NPFFR1: variants seen among roughly 807,000 people sequenced by gnomAD.
NPFFR1 encodes the protein G-protein coupled receptor 147.
Under a neutral mutation model 12.7 loss-of-function variants are expected in NPFFR1, and 17 were observed. That is an observed-to-expected ratio of 1.34 (90% CI 0.92 to 2.01). The LOEUF is 2.01. Among genes scored for constraint, NPFFR1 ranks in the 30% most tolerant of loss-of-function variants. NPFFR1 has a pLI of 0.00. For missense variants in NPFFR1, 604 were observed against 606.5 expected (o/e 1.00, Z 0.04); for synonymous variants, 296 against 264.5 (o/e 1.12, Z -1.16).
intron 1 of NPFFR1, among the ~76,000 whole-genome samples, chr10:70,267,899 G>A (rs928815903): frequency 2.6e-5 from 4 of 152,138 alleles, no homozygotes; most frequent in Admixed American, 6.5e-5. Context: ...GGACTGCGGC[G>A]GGAGGCGGAC....
intron 1 of NPFFR1, among the ~76,000 whole-genome samples, chr10:70,269,743 A>G (rs1840729821): frequency 2.0e-5 from 3 of 152,070 alleles, no homozygotes; most frequent in African/African-American, 2.4e-5. Flanking sequence ...ACTCCTGACC[A>G]CAGGTGATCC....
At chr10:70,281,554 TAG>T (rs1298167508) in intron 1 of NPFFR1, among the ~76,000 whole-genome samples, 2 of 152,206 alleles carry the variant, frequency 1.3e-5, no homozygotes, top group Non-Finnish European at 2.9e-5. Context: ...ACAAAGATGT[TAG>T]TGACTACCTC....
rs1766546683 is a variant in NPFFR1 at position 70,255,337 on chromosome 10, G to A, written c.913C>T (p.Leu305=). 1.3e-6 allele frequency: 2 copies of A among 1,575,932 alleles called. No individual in the cohort carries two copies. Among genetic ancestry groups the A allele is most frequent in the Middle Eastern group, 1.7e-4 (1 of 6,028 alleles). The part of the protein sequence containing the change: ...YGQLSAPQLH[L]VTVYAFPFAH... Reference sequence around the variant, plus strand: ...AAGGGGAAGGCGTAGACGGTGACCAGGTGCAGCTGCGGCGCGCTGAGCTGC... The same window carrying A: ...AAGGGGAAGGCGTAGACGGTGACCAAGTGCAGCTGCGGCGCGCTGAGCTGC... The change falls in exon 4 of 4, where the codon CTG becomes TTG. Residue 305 remains leucine (L), a synonymous_variant. Coordinates refer to ENST00000277942, the MANE Select transcript of NPFFR1 (RefSeq NM_022146.5). This position sits in a 1 kb window ranked among gnomAD's most constrained non-coding sequence, Gnocchi z 4.2.
intron 3 of NPFFR1, among the ~76,000 whole-genome samples, chr10:70,258,811 C>A (rs1173314302): frequency 6.6e-6 from 1 of 152,138 alleles, no homozygotes; most frequent in Non-Finnish European, 1.5e-5. Flanking sequence ...GGAGTCAGAG[C>A]CTGCCCTGGA....
rs181615322 is a variant in NPFFR1 at position 70,272,031 on chromosome 10, C to T, written c.8-5640G>A. On this transcript the variant is annotated intron_variant, in intron 1 of 3. Transcript: ENST00000277942. ...ACTCAGGAGGCTGAGGCAGGAGAGT[C>T]GCCTGAACCCAGGAGGTGGAGGTTG... Among the ~76,000 whole-genome samples, 506 of 151,590 alleles carry T rather than the reference C, an allele frequency of 3.3e-3. 3 individuals are homozygous for T. The highest frequency in any genetic ancestry group is 0.011 in the African/African-American group (467 of 41,274).
In NPFFR1 at chr10:70,255,776, C is replaced by T. The variant is rs747421830; in HGVS notation, c.474G>A (p.Ala158=). The change falls in exon 4 of 4, where the codon GCG becomes GCA. Residue 158 remains alanine, a synonymous_variant. Coordinates refer to ENST00000277942, the MANE Select transcript of NPFFR1 (RefSeq NM_022146.5). The surrounding 1 kb of genome is among the most constrained non-coding windows in gnomAD (Gnocchi z 4.2). ...CCCAGATGACGGCGATGGTGACGAG[C>T]GCCTTCCGCAGGGTCAGCTTCTCGC... ...PFREKLTLRK[A]LVTIAVIWAL... 5.0e-6 allele frequency: 8 copies of T among 1,611,450 alleles called. No individual in the cohort carries two copies. In the Admixed American group the frequency reaches 5.0e-5, roughly 10 times the overall value.
chr10:70,255,057 C>G lies in NPFFR1; in HGVS notation c.1193G>C (p.Arg398Pro), dbSNP rs1840546739. Residue 398 changes from arginine to proline, a missense_variant, in exon 4 of 4, where the codon CGC becomes CCC. Coordinates refer to ENST00000277942, the MANE Select transcript of NPFFR1 (RefSeq NM_022146.5). This position sits in a 1 kb window ranked among gnomAD's most constrained non-coding sequence, Gnocchi z 4.2. The part of the protein sequence containing the change: ...GPSSGAPRPG[R>P]LPLRNGRVAH... ...CACCCGCCCATTCCGCAGCGGGAGG[C>G]GGCCGGGCCTGGGGGCCCCACTGCT... 7.0e-7 allele frequency: 1 copy of G among 1,436,382 alleles called. No homozygotes were observed. 89.0% of individuals were successfully genotyped at this position (1,436,382 alleles called of 1,614,324 possible). A position where few individuals can be genotyped will look rare whatever the true frequency, so the allele number is the denominator to read the frequency against.
At chr10:70,281,320 C>T (rs1036676764) in intron 1 of NPFFR1, among the ~76,000 whole-genome samples, 9 of 152,156 alleles carry the variant, frequency 5.9e-5, no homozygotes, top group African/African-American at 2.2e-4. Context: ...GGGTAAACCT[C>T]GGGTTCACCC....
Position 70,255,198 on chromosome 10 carries a change from C to T in NPFFR1, c.1052G>A (p.Arg351His), listed in dbSNP as rs1405152190. The T allele has an allele frequency of 6.4e-6, 10 of 1,552,690 alleles. No individual in the cohort carries two copies. The highest frequency in any genetic ancestry group is 4.8e-5 in the East Asian group (2 of 41,546). ...QAAFRARLCP[R>H]PSGSHKEAYS... ...GGCCTCCTTGTGGCTCCCCGACGGG[C>T]GCGGGCAGAGGCGGGCGCGGAAGGC... The change falls in exon 4 of 4, where the codon CGC (arginine) becomes CAC (histidine). Residue 351 changes from arginine to histidine, a missense_variant. Coordinates refer to ENST00000277942, the MANE Select transcript of NPFFR1 (RefSeq NM_022146.5). The surrounding 1 kb of genome is among the most constrained non-coding windows in gnomAD (Gnocchi z 4.2).
rs546735609 is a variant in NPFFR1 at position 70,252,622 on chromosome 10, A to T, written c.*2335T>A. Reference sequence around the variant, plus strand: ...TCATTAAAGCATTGTCATGCCTGTTATCACTCAGATCTGAATGGGCAGGTA... The same window carrying T: ...TCATTAAAGCATTGTCATGCCTGTTTTCACTCAGATCTGAATGGGCAGGTA... On this transcript the variant is annotated 3_prime_UTR_variant, in exon 4 of 4. Coordinates refer to ENST00000277942, the MANE Select transcript of NPFFR1 (RefSeq NM_022146.5). The T allele has an allele frequency of 6.6e-6, 1 of 152,370 alleles. No homozygotes were observed. Among genetic ancestry groups the T allele is most frequent in the East Asian group, 1.9e-4 (1 of 5,192 alleles). 9.4% of individuals were successfully genotyped at this position (152,370 alleles called of 1,614,324 possible).
chr10:70,248,467 G>GGTTTTTTTTTGTTTTTTTTT lies in NPFFR1; in HGVS notation c.*6489_*6490insAAAAAAAAACAAAAAAAAAC, dbSNP rs1840473243. The stretch of plus-strand genomic sequence containing the variant: ...CAAAGTACGTAGTACTATGCCTGGC[G>GGTTTTTTTTTGTTTTTTTTT]TTTTTTTTTTGTTTTTTGTTTTTTT... On this transcript the variant is annotated 3_prime_UTR_variant, in exon 4 of 4. Transcript: ENST00000277942. 1.0e-5 allele frequency: 1 copy of GGTTTTTTTTTGTTTTTTTTT among 96,742 alleles called. No homozygotes were observed. The highest frequency in any genetic ancestry group is 4.0e-5 in the African/African-American group (1 of 24,706). 6.0% of individuals were successfully genotyped at this position (96,742 alleles called of 1,614,324 possible). A position where few individuals can be genotyped will look rare whatever the true frequency, so the allele number is the denominator to read the frequency against.
chr10:70,270,405 C>T (rs887973433), intron 1 of NPFFR1, among the ~76,000 whole-genome samples: 1 of 152,190 alleles, frequency 6.6e-6, no homozygotes, highest in Non-Finnish European at 1.5e-5. Context: ...TGAATCATCT[C>T]CCATGACTGG....
At position 70,259,227 on chromosome 10, in the gene NPFFR1, A is replaced by G. The variant is rs538470547; in HGVS notation, c.422+1413T>C. The stretch of plus-strand genomic sequence containing the variant: ...CTTGAACCCGGGAGGCAGAGGTTGC[A>G]GTCAGCCAAGATCGCCATGGCACTC... On this transcript the variant is annotated intron_variant, in intron 3 of 3. Coordinates refer to ENST00000277942, the MANE Select transcript of NPFFR1 (RefSeq NM_022146.5). Among the ~76,000 whole-genome samples the G allele has an allele frequency of 3.3e-5, 5 of 152,024 alleles. No homozygotes were observed. The South Asian group carries it at 1.0e-3, about 32-fold the overall frequency.
At position 70,251,390 on chromosome 10, in the gene NPFFR1, T is replaced by A. The variant is rs537014988; in HGVS notation, c.*3567A>T. 6.6e-6 allele frequency: 1 copy of A among 152,582 alleles called. No homozygotes were observed. The highest frequency in any genetic ancestry group is 1.9e-4 in the East Asian group (1 of 5,196). 9.5% of individuals were successfully genotyped at this position (152,582 alleles called of 1,614,324 possible). Reference sequence around the variant, plus strand: ...TCCTCCAGGCCCCAAGAGAGACTCCTCAGCACAGGGCTGGGCAGACTGTGG... The same window carrying A: ...TCCTCCAGGCCCCAAGAGAGACTCCACAGCACAGGGCTGGGCAGACTGTGG... On this transcript the variant is annotated 3_prime_UTR_variant, in exon 4 of 4. Coordinates refer to ENST00000277942, the MANE Select transcript of NPFFR1 (RefSeq NM_022146.5).
In NPFFR1 at chr10:70,249,963, T is replaced by G. The variant is rs1387707506; in HGVS notation, c.*4994A>C. The G allele has an allele frequency of 1.3e-5, 2 of 148,504 alleles. No individual in the cohort carries two copies. 9.2% of individuals were successfully genotyped at this position (148,504 alleles called of 1,614,324 possible). On this transcript the variant is annotated 3_prime_UTR_variant, in exon 4 of 4. Coordinates refer to ENST00000277942, the MANE Select transcript of NPFFR1 (RefSeq NM_022146.5). ...TCTTGCTCTGTCACCCAGGTTGGAG[T>G]GCAGTGGCGCAATTTTGGCTCACTG...
intron 1 of NPFFR1, among the ~76,000 whole-genome samples, chr10:70,268,058 G>A (rs1840714539): frequency 6.6e-6 from 1 of 152,104 alleles, no homozygotes; most frequent in South Asian, 2.1e-4. Context: ...ATATACAAGA[G>A]TATAAAGTTT....
rs1181395766 is a variant in NPFFR1, at chr10:70,250,604, G to C, written c.*4353C>G. On this transcript the variant is annotated 3_prime_UTR_variant, in exon 4 of 4. Coordinates refer to ENST00000277942, the MANE Select transcript of NPFFR1 (RefSeq NM_022146.5). ...TACTGATACATGCTACAGCATGAATGAATCTTGCAAACATCATTTTAAGTG... is the reference window on the plus strand; with the variant it reads ...TACTGATACATGCTACAGCATGAATCAATCTTGCAAACATCATTTTAAGTG... The C allele has an allele frequency of 6.6e-6, 1 of 152,220 alleles. No homozygotes were observed. Among genetic ancestry groups the C allele is most frequent in the Non-Finnish European group, 1.5e-5 (1 of 68,040 alleles). The allele number at this position is 152,220 out of a possible 1,614,324, so 9.4% of individuals were successfully genotyped here. A position where few individuals can be genotyped will look rare whatever the true frequency, so the allele number is the denominator to read the frequency against.
At chr10:70,268,005 T>C (rs1840714159) in intron 1 of NPFFR1, among the ~76,000 whole-genome samples, 1 of 152,234 alleles carries the variant, frequency 6.6e-6, no homozygotes, top group Non-Finnish European at 1.5e-5. Flanking sequence ...TATTTTAATA[T>C]GGTAAATGTC....
At position 70,255,150 on chromosome 10, in the gene NPFFR1, A is replaced by G; in HGVS notation, c.1100T>C (p.Leu367Pro). The change falls in exon 4 of 4, where the codon CTT becomes CCT. Residue 367 changes from leucine to proline, a missense_variant. Transcript: ENST00000277942. This position sits in a 1 kb window ranked among gnomAD's most constrained non-coding sequence, Gnocchi z 4.2. Reference sequence around the variant, plus strand: ...CACCACGAAGACCCGCCTGTGCAGAAGCCCGCCGGGCCGCTCGGAGTAGGC... The same window carrying G: ...CACCACGAAGACCCGCCTGTGCAGAGGCCCGCCGGGCCGCTCGGAGTAGGC... ...KEAYSERPGG[L>P]LHRRVFVVVR... is the part of the protein sequence containing the mutation. 1 of 1,538,674 alleles carries G rather than the reference A, an allele frequency of 6.5e-7. No homozygotes were observed. The highest frequency in any genetic ancestry group is 8.7e-7 in the Non-Finnish European group (1 of 1,144,042).
Sources: gnomAD v4.1 joint callset for allele counts (sites outside exome capture counted in the v4.1 genomes callset) on GRCh38, gnomAD v4.1.1 for gene constraint, Gnocchi (gnomAD v3.1) non-coding constraint, MANE v1.5 for transcripts, NCBI Gene and HGNC (gene_info 2026-07-23, HGNC 2026-07-21) for gene names.